FRMPD4: variants seen among roughly 807,000 people sequenced by gnomAD.
The protein encoded by FRMPD4 is FERM and PDZ domain containing 4.
A neutral mutation model predicts 94.1 loss-of-function variants in FRMPD4; 22 were observed. The observed-to-expected ratio is 0.23, with a 90% CI of 0.17 to 0.33. FRMPD4 has a LOEUF of 0.33. Ranked by LOEUF, FRMPD4 falls within the 10% of genes least tolerant of loss-of-function variation. FRMPD4 has a pLI of 1.00. For missense variants in FRMPD4, 1,111 were observed against 1,339.9 expected (o/e 0.83, Z 2.67); for synonymous variants, 631 against 548.6 (o/e 1.15, Z -2.10).
intron 1 of FRMPD4, among the ~76,000 whole-genome samples, chrX:12,262,876 GTGGTTGTGCAGGTATTCTA>G: frequency 8.9e-6 from 1 of 111,913 alleles, no homozygotes; most frequent in Non-Finnish European, 1.9e-5. Context: ...TATGGTTAGT[GTGGTTGTGCAGGTATTCTA>G]CACTTGGAAG....
At chrX:11,961,670 C>G (rs2054284138) in intron 3 of FRMPD4, among the ~76,000 whole-genome samples, 1 of 110,895 alleles carries the variant, frequency 9.0e-6, no homozygotes, top group Non-Finnish European at 1.9e-5. Flanking sequence ...AGAAATTAGC[C>G]AGCTCAACTG....
chrX:12,345,107 TGGATGAACAGACAGACAAATGAAA>T (rs1449178488), intron 1 of FRMPD4, among the ~76,000 whole-genome samples: 1 of 98,358 alleles, frequency 1.0e-5, no homozygotes, highest in African/African-American at 3.9e-5. Flanking sequence ...GATGGATGGA[TGGATGAACAGACAGACAAATGAAA>T]GGATGGATGG....
chrX:12,379,642 CGTGTGTGTGTGTGTGTGTGTGT>C (rs55742933), intron 1 of FRMPD4, among the ~76,000 whole-genome samples: 3 of 89,972 alleles, frequency 3.3e-5, no homozygotes, highest in Admixed American at 2.6e-4. Flanking sequence ...GATATGCTGC[CGTGTGTGTGTGTGTGTGTGTGT>C]GTGTGTGTGT....
chrX:12,641,833 T>C (rs1267538017), intron 4 of FRMPD4, among the ~76,000 whole-genome samples: 4 of 112,631 alleles, frequency 3.6e-5, no homozygotes, highest in Non-Finnish European at 7.5e-5. Context: ...ATGTTCTGAC[T>C]AGGGTGATGG....
chrX:12,059,400 T>C (rs1410072959), intron 3 of FRMPD4, among the ~76,000 whole-genome samples: 2 of 111,927 alleles, frequency 1.8e-5, no homozygotes, highest in Admixed American at 1.9e-4. Context: ...TTGGTGTGCT[T>C]TTTTATCCGT....
chrX:12,418,659 C>T (rs2056843930), intron 1 of FRMPD4, among the ~76,000 whole-genome samples: 1 of 110,040 alleles, frequency 9.1e-6, no homozygotes, highest in Admixed American at 9.6e-5. Flanking sequence ...CACCTGGCCA[C>T]ATCCATCAGT....
At chrX:12,066,566 G>A (rs993647621) in intron 3 of FRMPD4, among the ~76,000 whole-genome samples, 1 of 111,364 alleles carries the variant, frequency 9.0e-6, no homozygotes, top group Admixed American at 9.6e-5. Flanking sequence ...ACTACTTTGG[G>A]CATGTTCATG....
chrX:12,591,814 C>T (rs1170245278), intron 2 of FRMPD4, among the ~76,000 whole-genome samples: 1 of 111,882 alleles, frequency 8.9e-6, no homozygotes, highest in Non-Finnish European at 1.9e-5. Flanking sequence ...CTACCTCCTT[C>T]TTGCACTTGT....
At chrX:12,230,947 AATATAGTATATATAGTAAAT>A (rs1266196864) in intron 1 of FRMPD4, among the ~76,000 whole-genome samples, 5 of 75,564 alleles carry the variant, frequency 6.6e-5, no homozygotes, top group Non-Finnish European at 7.0e-5. Context: ...TATATATAGT[AATATAGTATATATAGTAAAT>A]ATATAGTAAT....
chrX:12,400,835 G>T (rs951184937), intron 1 of FRMPD4, among the ~76,000 whole-genome samples: 1 of 112,231 alleles, frequency 8.9e-6, no homozygotes, highest in Non-Finnish European at 1.9e-5. Context: ...TGGAGCTGAT[G>T]TTGTGACCAA....
At chrX:12,363,192 CAGA>C (rs2056023365) in intron 1 of FRMPD4, among the ~76,000 whole-genome samples, 1 of 112,297 alleles carries the variant, frequency 8.9e-6, no homozygotes, top group Non-Finnish European at 1.9e-5. Flanking sequence ...TTTTGCTGTG[CAGA>C]AGCTCTTTAG....
At chrX:11,982,685 T>C (rs1247003696) in intron 3 of FRMPD4, among the ~76,000 whole-genome samples, 1 of 111,923 alleles carries the variant, frequency 8.9e-6, no homozygotes, top group Non-Finnish European at 1.9e-5. Flanking sequence ...ATCCGCTGTT[T>C]AATCTGTCTA....
chrX:12,067,029 C>T (rs763000914), intron 3 of FRMPD4, among the ~76,000 whole-genome samples: 1 of 109,581 alleles, frequency 9.1e-6, no homozygotes, highest in African/African-American at 3.3e-5. Context: ...ACCACCATGC[C>T]CAGCTAGTTT....
chrX:12,118,474 C>T (rs191785482), intron 3 of FRMPD4, among the ~76,000 whole-genome samples: 2 of 112,345 alleles, frequency 1.8e-5, no homozygotes, highest in African/African-American at 3.2e-5. Flanking sequence ...TAAGCAAAAC[C>T]ATTTCCAAGT....
At chrX:12,272,972 G>A (rs1250466933) in intron 1 of FRMPD4, among the ~76,000 whole-genome samples, 2 of 109,945 alleles carry the variant, frequency 1.8e-5, no homozygotes, top group African/African-American at 3.3e-5. Flanking sequence ...AGCTACTTGG[G>A]AGACTGAGGC....
At chrX:12,509,714 G>T (rs773852968) in intron 2 of FRMPD4, among the ~76,000 whole-genome samples, 6 of 110,715 alleles carry the variant, frequency 5.4e-5, no homozygotes, top group Non-Finnish European at 1.1e-4. Context: ...AACACCACCT[G>T]TTCCCCCAAT....
At chrX:12,334,794 C>T (rs1381840777) in intron 1 of FRMPD4, among the ~76,000 whole-genome samples, 5 of 111,512 alleles carry the variant, frequency 4.5e-5, no homozygotes, top group East Asian at 2.8e-4. Context: ...AAGGAGCTCA[C>T]AGGCTGCAAG....
chrX:12,429,613 T>G (rs2056989387), intron 1 of FRMPD4, among the ~76,000 whole-genome samples: 1 of 112,135 alleles, frequency 8.9e-6, no homozygotes, highest in South Asian at 3.7e-4. Context: ...TTGTCCTGTT[T>G]CTTATTATTG....
At chrX:12,322,854 C>T (rs182996169) in intron 1 of FRMPD4, among the ~76,000 whole-genome samples, 38 of 110,939 alleles carry the variant, frequency 3.4e-4, no homozygotes, top group African/African-American at 1.2e-3. Flanking sequence ...TATCAAATTT[C>T]AATATTAACT....
Sources: gnomAD v4.1 joint callset for allele counts (sites outside exome capture counted in the v4.1 genomes callset) on GRCh38, gnomAD v4.1.1 for gene constraint, MANE v1.5 for transcripts, NCBI Gene and HGNC (gene_info 2026-07-23, HGNC 2026-07-21) for gene names.